Variants in DIAPH1 observed in about 807,000 individuals in gnomAD.
DIAPH1 encodes diaphanous related formin 1.
DIAPH1 carries 46 observed loss-of-function variants against 140.7 expected under a neutral mutation model. That is an observed-to-expected ratio of 0.33 (90% CI 0.26 to 0.42). The LOEUF is 0.42. Ranked by LOEUF, DIAPH1 falls within the 10% of genes least tolerant of loss-of-function variation. The pLI, the probability that DIAPH1 is intolerant of heterozygous loss-of-function variation, is 1.00. For synonymous variants in DIAPH1, 565 were observed against 551.6 expected (o/e 1.02, Z -0.34); for missense variants, 1,310 against 1,558.7 (o/e 0.84, Z 2.69).
Position 141,527,107 on chromosome 5 carries a change from GTA to G in DIAPH1, c.3273+464_3273+465del, listed in dbSNP as rs2099887459. On this transcript the variant is annotated intron_variant, in intron 24 of 27. Transcript: ENST00000389054. The stretch of plus-strand genomic sequence containing the variant: ...GAGAGGGAAGCATGTGTGAGCGTGT[GTA>G]GTGGAGACGGGGTACAGGCAGGGGA... Among the ~76,000 whole-genome samples the G allele has an allele frequency of 2.0e-5, 3 of 152,274 alleles. No homozygotes were observed. The East Asian group carries it at 5.8e-4, about 29-fold the overall frequency.
At position 141,529,560 on chromosome 5, in the gene DIAPH1, G is replaced by A. The variant is rs1482089773; in HGVS notation, c.2676+43C>T. On this transcript the variant is annotated intron_variant, in intron 20 of 27. Transcript: ENST00000389054. ...CACAGAGATGAGGCCAGTGCCCAGC[G>A]ACACAGAAGAGCCTGCTCCAGCAGA... 1.3e-5 allele frequency: 20 copies of A among 1,489,574 alleles called. No homozygotes were observed. The East Asian group carries it at 1.4e-4, about 10-fold the overall frequency. 92.3% of individuals were successfully genotyped at this position (1,489,574 alleles called of 1,614,324 possible).
Position 141,618,926 on chromosome 5 carries a change from C to T in DIAPH1, c.-12G>A, listed in dbSNP as rs1375199979. 9 of 1,452,176 alleles carry T rather than the reference C, an allele frequency of 6.2e-6. No homozygotes were observed. The African/African-American group carries it at 1.2e-4, about 19-fold the overall frequency. The allele number at this position is 1,452,176 out of a possible 1,614,324, so 90.0% of individuals were successfully genotyped here. A position where few individuals can be genotyped will look rare whatever the true frequency, so the allele number is the denominator to read the frequency against. ...CCGGGCGGCTCCATGTCCCGGTTCACGCTGGCCGGCGACCCCGCGCCTACG... is the reference window on the plus strand; with the variant it reads ...CCGGGCGGCTCCATGTCCCGGTTCATGCTGGCCGGCGACCCCGCGCCTACG... On this transcript the variant is annotated 5_prime_UTR_variant, in exon 1 of 28. It adds an upstream start codon to the 5' untranslated region. Transcript: ENST00000389054.
chr5:141,532,942 T>C (rs889199092), intron 19 of DIAPH1, among the ~76,000 whole-genome samples: 1 of 152,232 alleles, frequency 6.6e-6, no homozygotes, highest in East Asian at 1.9e-4. Context: ...CACAATACTT[T>C]AATCTCCATA....
intron 12 of DIAPH1, 116 bp downstream of exon 12, chr5:141,577,359 T>C (rs1171579221): frequency 3.5e-5 from 29 of 819,724 alleles, no homozygotes; most frequent in Non-Finnish European, 6.2e-5. Context: ...TAATGAACCC[T>C]AATCTTGGGT....
At chr5:141,616,682 A>G (rs2099902737) in intron 1 of DIAPH1, among the ~76,000 whole-genome samples, 1 of 152,234 alleles carries the variant, frequency 6.6e-6, no homozygotes, top group East Asian at 1.9e-4. Flanking sequence ...TGGCAATAAA[A>G]GGGTTAAGCA....
chr5:141,542,655 TAG>T (rs1231730272), intron 18 of DIAPH1, among the ~76,000 whole-genome samples: 1 of 152,124 alleles, frequency 6.6e-6, no homozygotes, highest in African/African-American at 2.4e-5. Context: ...GGTAAATCTA[TAG>T]AGACACACAT....
intron 1 of DIAPH1, among the ~76,000 whole-genome samples, chr5:141,591,727 T>TATATATATATATA (rs2099898496): frequency 7.3e-6 from 1 of 137,062 alleles, no homozygotes; most frequent in African/African-American, 2.9e-5. Context: ...TATATATATA[T>TATATATATATATA]GAAGGAAGAT....
Position 141,569,838 on chromosome 5 carries a change from G to A in DIAPH1, c.2482+1590C>T, listed in dbSNP as rs555418515. 1.1e-3 allele frequency among the ~76,000 whole-genome samples: 161 copies of A among 152,256 alleles called. 1 individual carries two copies. The highest frequency in any genetic ancestry group is 9.7e-3 in the South Asian group (47 of 4,828). ...TTTCTGAAATATAAATACTAGAGAT[G>A]TTTAAAGCACTGAAGTAAAGTATAC... On this transcript the variant is annotated intron_variant, in intron 18 of 27. Coordinates refer to ENST00000389054, the MANE Select transcript of DIAPH1 (RefSeq NM_005219.5).
At chr5:141,552,093 G>T (rs2099891781) in intron 18 of DIAPH1, among the ~76,000 whole-genome samples, 1 of 152,166 alleles carries the variant, frequency 6.6e-6, no homozygotes, top group Non-Finnish European at 1.5e-5. Context: ...TTATGCAGCA[G>T]AAGAGACTTT....
intron 18 of DIAPH1, among the ~76,000 whole-genome samples, chr5:141,537,843 A>C (rs1197868401): frequency 6.6e-6 from 1 of 152,242 alleles, no homozygotes; most frequent in Non-Finnish European, 1.5e-5. Context: ...AGAAAACTAT[A>C]TAAAGCAATA....
chr5:141,616,611 G>A (rs556076157), intron 1 of DIAPH1, among the ~76,000 whole-genome samples: 1 of 152,232 alleles, frequency 6.6e-6, no homozygotes, highest in African/African-American at 2.4e-5. Context: ...TTTCCACAGA[G>A]TTCTCATAAA....
chr5:141,602,458 A>G (rs896359991), intron 1 of DIAPH1, among the ~76,000 whole-genome samples: 1 of 152,096 alleles, frequency 6.6e-6, no homozygotes, highest in African/African-American at 2.4e-5. Flanking sequence ...CTCGTGATCC[A>G]CCTGCCTTGG....
intron 18 of DIAPH1, among the ~76,000 whole-genome samples, chr5:141,552,140 G>A (rs1202771886): frequency 6.6e-6 from 1 of 151,838 alleles, no homozygotes; most frequent in East Asian, 1.9e-4. Flanking sequence ...GAGATGACAG[G>A]ATTAATCTGG....
chr5:141,574,842 C>T, intron 15 of DIAPH1, 125 bp downstream of exon 15: 1 of 1,015,154 alleles, frequency 9.9e-7, no homozygotes, highest in Non-Finnish European at 1.5e-6. Flanking sequence ...TTAAAATATG[C>T]ACCATGTAAC....
intron 18 of DIAPH1, among the ~76,000 whole-genome samples, chr5:141,538,496 G>A (rs2099889433): frequency 6.6e-6 from 1 of 151,806 alleles, no homozygotes; most frequent in African/African-American, 2.4e-5. Context: ...GGGATTATAG[G>A]TACCCACCAC....
chr5:141,563,405 TAA>T (rs941709400), intron 18 of DIAPH1: 5 of 152,192 alleles, frequency 3.3e-5, no homozygotes, highest in African/African-American at 1.2e-4. Flanking sequence ...AAAATATTAT[TAA>T]GAGAACAGGT....
intron 1 of DIAPH1, among the ~76,000 whole-genome samples, chr5:141,602,642 T>C (rs1418482954): frequency 3.9e-5 from 6 of 152,204 alleles, no homozygotes; most frequent in Admixed American, 3.3e-4. Flanking sequence ...GTATGAAGAA[T>C]AAATAATAAA....
chr5:141,527,699 T>TAAAAAAACA lies in DIAPH1; in HGVS notation c.3149-3_3149-2insTGTTTTTTT. ...TCTTTTGCAAGTTTTCAGCAGAAAC[T>TAAAAAAACA]AAAAAAAAAAAAAAAAAAAAAAACC... On this transcript the variant is annotated splice_polypyrimidine_tract_variant and splice_region_variant and intron_variant, in intron 23 of 27. Transcript: ENST00000389054. The TAAAAAAACA allele has an allele frequency of 8.8e-7, 1 of 1,130,080 alleles. No homozygotes were observed. Among genetic ancestry groups the TAAAAAAACA allele is most frequent in the South Asian group, 1.7e-5 (1 of 58,722 alleles). 70.0% of individuals were successfully genotyped at this position (1,130,080 alleles called of 1,614,324 possible). A position where few individuals can be genotyped will look rare whatever the true frequency, so the allele number is the denominator to read the frequency against.
chr5:141,594,384 C>T (rs1375471204), intron 1 of DIAPH1, among the ~76,000 whole-genome samples: 8 of 152,152 alleles, frequency 5.3e-5, no homozygotes, highest in African/African-American at 1.4e-4. Flanking sequence ...GACAACAGAA[C>T]ATTATCTGTT....
Sources: allele counts gnomAD v4.1 joint callset (sites outside exome capture counted in the v4.1 genomes callset), GRCh38; gene constraint gnomAD v4.1.1; transcripts MANE v1.5; gene names NCBI Gene and HGNC (gene_info 2026-07-23, HGNC 2026-07-21).